The following PTPRD variants were observed in gnomAD, a reference collection of about 807,000 sequenced individuals.
PTPRD encodes protein tyrosine phosphatase receptor type D, also known as receptor-type tyrosine-protein phosphatase delta.
Under a neutral mutation model 214.5 loss-of-function variants are expected in PTPRD, and 34 were observed. That is an observed-to-expected ratio of 0.16 (90% CI 0.12 to 0.21). PTPRD has a LOEUF of 0.21. Among genes scored for constraint, PTPRD ranks in the 10% least tolerant of loss-of-function variants. The pLI, the probability that PTPRD is intolerant of heterozygous loss-of-function variation, is 1.00. For missense variants in PTPRD, 2,545 were observed against 2,398.7 expected (o/e 1.06, Z -1.27); for synonymous variants, 1,128 against 845.7 (o/e 1.33, Z -5.79).
At chr9:9,499,633 C>A (rs1282241183) in intron 8 of PTPRD, among the ~76,000 whole-genome samples, 3 of 152,026 alleles carry the variant, frequency 2.0e-5, no homozygotes, top group Admixed American at 1.3e-4. Context: ...GGTATATGGG[C>A]AAACATTCTG....
intron 9 of PTPRD, among the ~76,000 whole-genome samples, chr9:9,385,706 T>C (rs2063661943): frequency 6.6e-6 from 1 of 152,176 alleles, no homozygotes; most frequent in Non-Finnish European, 1.5e-5. Context: ...GAACACCCAT[T>C]AAACCATGTA....
chr9:9,058,680 AC>A (rs2099701415), intron 10 of PTPRD, among the ~76,000 whole-genome samples: 1 of 150,042 alleles, frequency 6.7e-6, no homozygotes. Context: ...CGATCTCCTG[AC>A]CTCGTGATCC....
At chr9:8,953,052 G>A (rs565184933) in intron 11 of PTPRD, among the ~76,000 whole-genome samples, 44 of 151,544 alleles carry the variant, frequency 2.9e-4, no homozygotes, top group African/African-American at 4.8e-4. Context: ...ATAAAGCAAC[G>A]AATTATATTT....
chr9:8,578,564 G>A (rs2092717457), intron 14 of PTPRD, among the ~76,000 whole-genome samples: 1 of 152,164 alleles, frequency 6.6e-6, no homozygotes, highest in Non-Finnish European at 1.5e-5. Flanking sequence ...TGTTAAGAGA[G>A]TGCAGAGGCT....
chr9:8,674,097 G>A (rs1205267820), intron 12 of PTPRD, among the ~76,000 whole-genome samples: 1 of 151,954 alleles, frequency 6.6e-6, no homozygotes, highest in Non-Finnish European at 1.5e-5. Flanking sequence ...ATATGAAATG[G>A]GAATAACAAA....
intron 8 of PTPRD, among the ~76,000 whole-genome samples, chr9:9,551,439 C>T (rs1228974765): frequency 1.3e-5 from 2 of 151,868 alleles, no homozygotes; most frequent in Middle Eastern, 3.2e-3. Flanking sequence ...AATTTTACAT[C>T]AATACAAGTC....
chr9:10,068,525 T>C (rs758743071), intron 3 of PTPRD, among the ~76,000 whole-genome samples: 2 of 151,988 alleles, frequency 1.3e-5, no homozygotes, highest in African/African-American at 2.4e-5. Context: ...TATGGGAATA[T>C]GTCAGAAATA....
At chr9:10,453,468 A>G (rs560966765) in intron 2 of PTPRD, among the ~76,000 whole-genome samples, 23 of 151,614 alleles carry the variant, frequency 1.5e-4, no homozygotes, top group Non-Finnish European at 3.1e-4. Flanking sequence ...AATTATGTGT[A>G]TTCTTCAATA....
chr9:8,675,366 G>A (rs9886768), intron 12 of PTPRD, among the ~76,000 whole-genome samples: 4,590 of 151,724 alleles, frequency 0.03, 127 homozygotes, highest in African/African-American at 0.068. Context: ...AATAAATGTT[G>A]ACTATTACAG....
At chr9:8,702,710 C>T (rs1295166596) in intron 12 of PTPRD, among the ~76,000 whole-genome samples, 7 of 152,158 alleles carry the variant, frequency 4.6e-5, no homozygotes, top group African/African-American at 7.2e-5. Context: ...CGTGTTCAAG[C>T]GATTCTCCTG....
chr9:9,621,602 T>C (rs1006524857), intron 7 of PTPRD, among the ~76,000 whole-genome samples: 5 of 152,206 alleles, frequency 3.3e-5, no homozygotes, highest in Non-Finnish European at 5.9e-5. Context: ...CCATGAGTCA[T>C]AATCATAAAT....
chr9:10,280,360 CCACACACA>C (rs61249776), intron 3 of PTPRD, among the ~76,000 whole-genome samples: 2 of 144,724 alleles, frequency 1.4e-5, no homozygotes, highest in Admixed American at 6.9e-5. Context: ...TACATAAACA[CCACACACA>C]CACACACACA....
At chr9:9,351,620 C>G (rs148264229) in intron 9 of PTPRD, among the ~76,000 whole-genome samples, 13 of 152,048 alleles carry the variant, frequency 8.5e-5, no homozygotes, top group South Asian at 6.2e-4. Context: ...AACCAAGAAG[C>G]CTTGGAAAGA....
At chr9:9,269,108 A>T (rs1319998233) in intron 9 of PTPRD, among the ~76,000 whole-genome samples, 1 of 151,434 alleles carries the variant, frequency 6.6e-6, no homozygotes, top group Non-Finnish European at 1.5e-5. Context: ...TGCAAACCAC[A>T]TATTTAATAA....
At chr9:8,568,273 G>C (rs1212613805) in intron 14 of PTPRD, among the ~76,000 whole-genome samples, 1 of 152,052 alleles carries the variant, frequency 6.6e-6, no homozygotes, top group Non-Finnish European at 1.5e-5. Context: ...AAATCTCAAA[G>C]ACATTAAACC....
chr9:8,491,427 T>C (rs1454808877), intron 27 of PTPRD, among the ~76,000 whole-genome samples: 2 of 152,210 alleles, frequency 1.3e-5, no homozygotes, highest in Admixed American at 6.5e-5. Context: ...TGACCCCATT[T>C]AATGGGCAAC....
At chr9:10,148,868 C>T (rs1189791367) in intron 3 of PTPRD, among the ~76,000 whole-genome samples, 2 of 152,124 alleles carry the variant, frequency 1.3e-5, no homozygotes, top group East Asian at 3.9e-4. Context: ...TTTAAATAAG[C>T]ATTTTTTATT....
At chr9:9,216,467 C>G (rs1410550065) in intron 9 of PTPRD, among the ~76,000 whole-genome samples, 1 of 152,126 alleles carries the variant, frequency 6.6e-6, no homozygotes, top group South Asian at 2.1e-4. Context: ...GTTGAGCCAC[C>G]CTTCTATATG....
chr9:9,964,168 T>C (rs2094537949), intron 4 of PTPRD, among the ~76,000 whole-genome samples: 1 of 134,102 alleles, frequency 7.5e-6, no homozygotes, highest in Non-Finnish European at 1.7e-5. Flanking sequence ...TCTATTTCAA[T>C]TTGAAGGTTT....
Sources: gnomAD v4.1 joint callset for allele counts (sites outside exome capture counted in the v4.1 genomes callset) on GRCh38, gnomAD v4.1.1 for gene constraint, MANE v1.5 for transcripts, NCBI Gene and HGNC (gene_info 2026-07-23, HGNC 2026-07-21) for gene names.